Variants in KCNH7 observed in about 807,000 individuals in gnomAD.
KCNH7 encodes voltage-gated inwardly rectifying potassium channel KCNH7.
KCNH7 carries 49 observed loss-of-function variants against 120.8 expected under a neutral mutation model. That is an observed-to-expected ratio of 0.41 (90% CI 0.32 to 0.51). The LOEUF is 0.51. KCNH7 is among the 20% of genes least tolerant of loss of function. The pLI is 0.38. For synonymous variants in KCNH7, 547 were observed against 516.1 expected (o/e 1.06, Z -0.81); for missense variants, 1,097 against 1,446.6 (o/e 0.76, Z 3.92).
intron 2 of KCNH7, among the ~76,000 whole-genome samples, chr2:162,811,774 A>G (rs534062681): frequency 1.1e-4 from 16 of 152,174 alleles, no homozygotes; most frequent in Non-Finnish European, 2.1e-4. Context: ...GGCAAAGAAG[A>G]CTTCATGATT....
chr2:162,575,570 C>G (rs1693640978), intron 2 of KCNH7, among the ~76,000 whole-genome samples: 1 of 152,136 alleles, frequency 6.6e-6, no homozygotes, highest in South Asian at 2.1e-4. Flanking sequence ...CTCTTGTTTA[C>G]CCCCATGTTT....
Position 162,423,542 on chromosome 2 carries a change from T to G in KCNH7, c.1955-7A>C. ...ATGCTTGCATACATTAGTGCTGGAT[T>G]GGATAAAAAACAAAGTTATCGGGGA... On this transcript the variant is annotated splice_polypyrimidine_tract_variant and splice_region_variant and intron_variant, in intron 8 of 15. Transcript: ENST00000332142. 2 of 1,609,786 alleles carry G rather than the reference T, an allele frequency of 1.2e-6. No individual in the cohort carries two copies. Among genetic ancestry groups the G allele is most frequent in the Non-Finnish European group, 1.7e-6 (2 of 1,176,794 alleles).
intron 2 of KCNH7, among the ~76,000 whole-genome samples, chr2:162,570,949 G>C (rs1693450444): frequency 6.6e-6 from 1 of 152,000 alleles, no homozygotes; most frequent in Non-Finnish European, 1.5e-5. Context: ...ATACTGAATG[G>C]GCAAAAACTG....
chr2:162,833,935 C>G (rs1426128549), intron 2 of KCNH7, among the ~76,000 whole-genome samples: 2 of 152,052 alleles, frequency 1.3e-5, no homozygotes, highest in African/African-American at 4.8e-5. Context: ...TCTTCATATT[C>G]TTGTGAAATG....
At chr2:162,377,701 C>T (rs914264358) in intron 14 of KCNH7, among the ~76,000 whole-genome samples, 21 of 152,084 alleles carry the variant, frequency 1.4e-4, no homozygotes, top group Non-Finnish European at 2.9e-4. Context: ...CTTCCTGGCC[C>T]TCCCCAGCTC....
At chr2:162,671,414 A>T (rs1444499416) in intron 2 of KCNH7, among the ~76,000 whole-genome samples, 3 of 151,226 alleles carry the variant, frequency 2.0e-5, no homozygotes, top group African/African-American at 4.9e-5. Context: ...TTGCAGCAAC[A>T]TGCATAGAAC....
intron 2 of KCNH7, among the ~76,000 whole-genome samples, chr2:162,687,419 A>G (rs1685935502): frequency 6.6e-6 from 1 of 152,172 alleles, no homozygotes; most frequent in Non-Finnish European, 1.5e-5. Flanking sequence ...GGTAACAAAT[A>G]TACAAAAATA....
At chr2:162,554,269 G>C (rs1207998370) in intron 2 of KCNH7, among the ~76,000 whole-genome samples, 1 of 152,108 alleles carries the variant, frequency 6.6e-6, no homozygotes, top group East Asian at 1.9e-4. Context: ...TTAAGAATAA[G>C]CCTGACCAAA....
chr2:162,555,811 T>A (rs936732576), intron 2 of KCNH7, among the ~76,000 whole-genome samples: 8 of 152,208 alleles, frequency 5.3e-5, no homozygotes, highest in Non-Finnish European at 1.2e-4. Flanking sequence ...ACTTGTCATA[T>A]AATGATAAAA....
chr2:162,762,523 T>G (rs1689002687), intron 2 of KCNH7, among the ~76,000 whole-genome samples: 2 of 152,038 alleles, frequency 1.3e-5, no homozygotes, highest in Middle Eastern at 6.3e-3. Flanking sequence ...AAGACCACCC[T>G]ATGGCACAAA....
At chr2:162,589,388 G>A (rs1307054460) in intron 2 of KCNH7, among the ~76,000 whole-genome samples, 1 of 151,990 alleles carries the variant, frequency 6.6e-6, no homozygotes, top group African/African-American at 2.4e-5. Context: ...TCCTAGGAAT[G>A]AGAGGTGTGT....
At chr2:162,695,812 G>A (rs1471341367) in intron 2 of KCNH7, among the ~76,000 whole-genome samples, 1 of 152,136 alleles carries the variant, frequency 6.6e-6, no homozygotes, top group African/African-American at 2.4e-5. Context: ...ACTGGATATT[G>A]ACAACAGAGA....
intron 2 of KCNH7, among the ~76,000 whole-genome samples, chr2:162,686,516 G>T (rs998980745): frequency 2.0e-5 from 3 of 151,954 alleles, no homozygotes; most frequent in African/African-American, 7.2e-5. Flanking sequence ...GGTCATAAGG[G>T]TTACCCAGTG....
intron 2 of KCNH7, among the ~76,000 whole-genome samples, chr2:162,659,628 C>T (rs1458903661): frequency 1.3e-5 from 2 of 152,176 alleles, no homozygotes; most frequent in African/African-American, 4.8e-5. Context: ...CAGGCATGAG[C>T]CACTGCGCCT....
chr2:162,745,140 CT>C (rs879760148), intron 2 of KCNH7, among the ~76,000 whole-genome samples: 5 of 152,162 alleles, frequency 3.3e-5, no homozygotes, highest in Non-Finnish European at 7.3e-5. Flanking sequence ...TAATCCTTGA[CT>C]TTTTGTGAAC....
chr2:162,583,809 T>A (rs1029596121), intron 2 of KCNH7, among the ~76,000 whole-genome samples: 3 of 152,100 alleles, frequency 2.0e-5, no homozygotes, highest in African/African-American at 7.2e-5. Context: ...AATGTCTTCA[T>A]AAAGCTGTCC....
intron 2 of KCNH7, among the ~76,000 whole-genome samples, chr2:162,800,846 T>G (rs1696725940): frequency 1.3e-5 from 2 of 151,898 alleles, no homozygotes; most frequent in Non-Finnish European, 2.9e-5. Flanking sequence ...AAAGTAATCC[T>G]GTGTTCTTGT....
chr2:162,506,689 A>C (rs1690894378), intron 5 of KCNH7, among the ~76,000 whole-genome samples: 1 of 151,764 alleles, frequency 6.6e-6, no homozygotes. Context: ...ATTTGGCTAA[A>C]TTCACGGATC....
chr2:162,398,667 C>A (rs894108564), intron 10 of KCNH7, among the ~76,000 whole-genome samples: 1 of 151,852 alleles, frequency 6.6e-6, no homozygotes, highest in East Asian at 1.9e-4. Flanking sequence ...TATGTCTTAG[C>A]AACACTCTAA....
Sources: allele counts gnomAD v4.1 joint callset (sites outside exome capture counted in the v4.1 genomes callset), GRCh38; gene constraint gnomAD v4.1.1; transcripts MANE v1.5; gene names NCBI Gene and HGNC (gene_info 2026-07-23, HGNC 2026-07-21).